The following IGF1 variants were observed in gnomAD, a reference collection of about 807,000 sequenced individuals.
IGF1 encodes the protein insulin-like growth factor 1.
A neutral mutation model predicts 13.8 loss-of-function variants in IGF1; 4 were observed. The observed-to-expected ratio is 0.29, with a 90% confidence interval of 0.14 to 0.66. The LOEUF (loss-of-function observed/expected upper bound fraction) is 0.66. Ranked by LOEUF, IGF1 falls within the 30% of genes least tolerant of loss-of-function variation. The pLI is 0.78. For synonymous variants in IGF1, 76 were observed against 72.6 expected (o/e 1.05, Z -0.23); for missense variants, 124 against 188.5 (o/e 0.66, Z 2.00).
chr12:102,478,913 T>A (rs951136162), intron 1 of IGF1, among the ~76,000 whole-genome samples: 1 of 152,178 alleles, frequency 6.6e-6, no homozygotes. Flanking sequence ...ACCCACTGAA[T>A]TACATGTGAA....
chr12:102,414,747 C>T (rs754274010), intron 3 of IGF1, among the ~76,000 whole-genome samples: 26 of 152,144 alleles, frequency 1.7e-4, no homozygotes, highest in Non-Finnish European at 4.4e-5. Flanking sequence ...TTTAGCCTCT[C>T]CAATGCTTAT....
chr12:102,404,871 C>T (rs1327727903), intron 3 of IGF1, among the ~76,000 whole-genome samples: 2 of 150,970 alleles, frequency 1.3e-5, no homozygotes, highest in Non-Finnish European at 2.9e-5. Context: ...GATTCTCCTG[C>T]CTCAGCCTCT....
Position 102,419,495 on chromosome 12 carries a change from C to G in IGF1, c.402+14G>C. The stretch of plus-strand genomic sequence containing the variant: ...CCACTTGAGGATGGCTGGATCCCAC[C>G]CAGGTGGGCTTACCTTCTGGGTCTT... On this transcript the variant is annotated intron_variant, in intron 3 of 3. Coordinates refer to ENST00000337514, the MANE Select transcript of IGF1 (RefSeq NM_000618.5). The G allele has an allele frequency of 6.2e-7, 1 of 1,610,828 alleles. No homozygotes were observed. The highest frequency in any genetic ancestry group is 8.5e-7 in the Non-Finnish European group (1 of 1,178,578).
intron 2 of IGF1, among the ~76,000 whole-genome samples, chr12:102,439,118 G>A (rs1282083365): frequency 6.6e-6 from 1 of 152,168 alleles, no homozygotes; most frequent in African/African-American, 2.4e-5. Context: ...ACACATGTAG[G>A]AACACATTAG....
chr12:102,449,119 T>C (rs563970329), intron 2 of IGF1, among the ~76,000 whole-genome samples: 118 of 152,248 alleles, frequency 7.8e-4, no homozygotes, highest in Non-Finnish European at 1.3e-3. Context: ...TGCAGCACTA[T>C]TCACAATAGG....
Position 102,402,499 on chromosome 12 carries a change from G to T in IGF1, c.*8C>A. 1.3e-6 allele frequency: 1 copy of T among 780,856 alleles called. No homozygotes were observed. Among genetic ancestry groups the T allele is most frequent in the Non-Finnish European group, 2.4e-6 (1 of 417,978 alleles). 48.4% of individuals were successfully genotyped at this position (780,856 alleles called of 1,614,324 possible). A position where few individuals can be genotyped will look rare whatever the true frequency, so the allele number is the denominator to read the frequency against. On this transcript the variant is annotated 3_prime_UTR_variant, in exon 4 of 4. Transcript: ENST00000337514. Reference sequence around the variant, plus strand: ...GCATGTCACTCTTCACTCCTCAGGAGGGTCTTCCTACATCCTGTAGTTCTT... The same window carrying T: ...GCATGTCACTCTTCACTCCTCAGGATGGTCTTCCTACATCCTGTAGTTCTT...
intron 2 of IGF1, among the ~76,000 whole-genome samples, chr12:102,428,394 G>C (rs1265112021): frequency 3.3e-5 from 5 of 151,870 alleles, no homozygotes; most frequent in Non-Finnish European, 7.4e-5. Flanking sequence ...GCAGGGATCA[G>C]TGTTGAGTCT....
chr12:102,437,382 C>G (rs1483200615), intron 2 of IGF1, among the ~76,000 whole-genome samples: 3 of 152,228 alleles, frequency 2.0e-5, no homozygotes, highest in Non-Finnish European at 1.5e-5. Flanking sequence ...ACAAGCTAAT[C>G]AAAAACATGG....
At chr12:102,441,906 G>GCTGCTTCTTCTTCTTCCTTCTTCTT in intron 2 of IGF1, among the ~76,000 whole-genome samples, 10 of 100,292 alleles carry the variant, frequency 1.0e-4, no homozygotes, top group Non-Finnish European at 1.7e-4. Flanking sequence ...CTATTACACT[G>GCTGCTTCTTCTTCTTCCTTCTTCTT]CTTCTTCTCC....
Position 102,417,733 on chromosome 12 carries a change from C to A in IGF1, c.402+1776G>T. 3.2e-6 allele frequency: 5 copies of A among 1,577,066 alleles called. No individual in the cohort carries two copies. In the South Asian group the frequency reaches 6.0e-5, roughly 19 times the overall value. ...CCAGCAGGCCTACTTTTCTTCATTT[C>A]CTCTATTGTATTTTCTGCTTTTCAT... is the stretch of plus-strand genomic sequence containing the variant. On this transcript the variant is annotated intron_variant, in intron 3 of 3. Transcript: ENST00000337514.
At chr12:102,454,212 C>G (rs945775729) in intron 2 of IGF1, among the ~76,000 whole-genome samples, 1 of 152,292 alleles carries the variant, frequency 6.6e-6, no homozygotes, top group African/African-American at 2.4e-5. Flanking sequence ...CAAGGCCTAC[C>G]TTAAACACAT....
intron 2 of IGF1, among the ~76,000 whole-genome samples, chr12:102,453,264 T>C (rs775938180): frequency 3.3e-5 from 5 of 152,214 alleles, no homozygotes; most frequent in Non-Finnish European, 7.3e-5. Flanking sequence ...TTTTATAGGA[T>C]GTAGGTTTTC....
chr12:102,442,342 G>A (rs906333184), intron 2 of IGF1, among the ~76,000 whole-genome samples: 22 of 152,160 alleles, frequency 1.4e-4, no homozygotes, highest in African/African-American at 5.3e-4. Context: ...AGAGAAACTT[G>A]GTGTGAAACC....
Position 102,402,487 on chromosome 12 carries a change from C to T in IGF1, c.*20G>A. The T allele has an allele frequency of 1.3e-6, 1 of 780,848 alleles. No individual in the cohort carries two copies. Among genetic ancestry groups the T allele is most frequent in the Non-Finnish European group, 2.4e-6 (1 of 417,946 alleles). The allele number at this position is 780,848 out of a possible 1,614,324, so 48.4% of individuals were successfully genotyped here. A position where few individuals can be genotyped will look rare whatever the true frequency, so the allele number is the denominator to read the frequency against. ...GATCCTGCGGTGGCATGTCACTCTTCACTCCTCAGGAGGGTCTTCCTACAT... is the reference window on the plus strand; with the variant it reads ...GATCCTGCGGTGGCATGTCACTCTTTACTCCTCAGGAGGGTCTTCCTACAT... On this transcript the variant is annotated 3_prime_UTR_variant, in exon 4 of 4. Transcript: ENST00000337514.
rs544490547 is a variant in IGF1 at position 102,405,176 on chromosome 12, C to T, written c.403-2610G>A. Among the ~76,000 whole-genome samples the T allele has an allele frequency of 2.1e-4, 32 of 151,640 alleles. 1 individual carries two copies. The South Asian group carries it at 6.7e-3, about 32-fold the overall frequency. On this transcript the variant is annotated intron_variant, in intron 3 of 3. Transcript: ENST00000337514. Reference sequence around the variant, plus strand: ...GATCTAGGCTCACTGCAACCTTTGCCTCCCAGTTCAAGTGATTCTCCTGCC... The same window carrying T: ...GATCTAGGCTCACTGCAACCTTTGCTTCCCAGTTCAAGTGATTCTCCTGCC...
chr12:102,405,388 G>A (rs928062034), intron 3 of IGF1, among the ~76,000 whole-genome samples: 12 of 151,818 alleles, frequency 7.9e-5, no homozygotes, highest in South Asian at 2.1e-4. Context: ...ATGCCTGGCC[G>A]TGTTCTGCTT....
intron 1 of IGF1, among the ~76,000 whole-genome samples, chr12:102,478,323 A>T (rs1343266397): frequency 6.6e-6 from 1 of 152,098 alleles, no homozygotes; most frequent in South Asian, 2.1e-4. Context: ...AAAAGAAAAA[A>T]AAATCAGAAA....
chr12:102,432,538 C>T (rs193013597), intron 2 of IGF1, among the ~76,000 whole-genome samples: 13 of 152,250 alleles, frequency 8.5e-5, no homozygotes, highest in Non-Finnish European at 1.8e-4. Context: ...GATTTTCTCC[C>T]GGGATTAGAA....
At chr12:102,474,325 T>G (rs1880878004) in intron 2 of IGF1, among the ~76,000 whole-genome samples, 1 of 152,246 alleles carries the variant, frequency 6.6e-6, no homozygotes, top group South Asian at 2.1e-4. Context: ...ATTAAAGGAC[T>G]GGCTGGAAGC....
Sources: allele counts gnomAD v4.1 joint callset (sites outside exome capture counted in the v4.1 genomes callset), GRCh38; gene constraint gnomAD v4.1.1; transcripts MANE v1.5; gene names NCBI Gene and HGNC (gene_info 2026-07-23, HGNC 2026-07-21).